WDPCP: variants seen among roughly 807,000 people sequenced by gnomAD.
WDPCP encodes WD repeat-containing and planar cell polarity effector protein fritz homolog.
In WDPCP, 71 loss-of-function variants were observed where a neutral mutation model predicts 93.1. The observed-to-expected ratio is 0.76, with a 90% confidence interval of 0.63 to 0.93. WDPCP has a LOEUF of 0.93. Among genes scored for constraint, WDPCP ranks in the 40% least tolerant of loss-of-function variants. The probability of loss-of-function intolerance (pLI) is 0.00; values close to 1 mark genes in which losing one functional copy is unlikely to be tolerated. For missense variants in WDPCP, 844 were observed against 887.4 expected (o/e 0.95, Z 0.62); for synonymous variants, 315 against 315.0 (o/e 1.00, Z 0.00).
intron 2 of WDPCP, among the ~76,000 whole-genome samples, chr2:63,666,350 C>G (rs905702786): frequency 2.6e-5 from 4 of 152,206 alleles, no homozygotes; most frequent in Non-Finnish European, 5.9e-5. Context: ...AGGCTGATTT[C>G]ACTGCCTGCT....
At chr2:63,444,755 T>C (rs1402783599) in intron 6 of WDPCP, among the ~76,000 whole-genome samples, 1 of 152,134 alleles carries the variant, frequency 6.6e-6, no homozygotes, top group Admixed American at 6.6e-5. Flanking sequence ...AATTTGAATG[T>C]TGTTTAAATG....
chr2:63,500,759 G>A (rs529941187), intron 1 of WDPCP, among the ~76,000 whole-genome samples: 1 of 152,266 alleles, frequency 6.6e-6, no homozygotes, highest in African/African-American at 2.4e-5. Flanking sequence ...TAACGGTGTT[G>A]TAAGGATTAA....
At chr2:63,687,751 A>G (rs1668828624) in intron 2 of WDPCP, among the ~76,000 whole-genome samples, 1 of 152,226 alleles carries the variant, frequency 6.6e-6, no homozygotes, top group South Asian at 2.1e-4. Flanking sequence ...GTAAATTAGT[A>G]CAATCACTAT....
At chr2:63,707,496 C>A (rs1217961763) in intron 2 of WDPCP, among the ~76,000 whole-genome samples, 1 of 152,052 alleles carries the variant, frequency 6.6e-6, no homozygotes, top group Non-Finnish European at 1.5e-5. Flanking sequence ...TTAAGTACTT[C>A]TCTGCATTGG....
At chr2:63,556,345 T>C (rs1410960587) in intron 1 of WDPCP, among the ~76,000 whole-genome samples, 1 of 152,134 alleles carries the variant, frequency 6.6e-6, no homozygotes, top group African/African-American at 2.4e-5. Flanking sequence ...ACTATGGGGT[T>C]ATGTAAAAAG....
At chr2:63,124,120 G>T (rs1477244758) in intron 17 of WDPCP, among the ~76,000 whole-genome samples, 3 of 148,794 alleles carry the variant, frequency 2.0e-5, no homozygotes. Context: ...CTGTTTGTAG[G>T]ATTATTTCCT....
chr2:63,820,601 G>C (rs1473270327), intron 1 of WDPCP, among the ~76,000 whole-genome samples: 1 of 152,146 alleles, frequency 6.6e-6, no homozygotes, highest in East Asian at 1.9e-4. Flanking sequence ...AGTTCAGTCT[G>C]AACCTTGACT....
intron 2 of WDPCP, among the ~76,000 whole-genome samples, chr2:63,488,095 A>G (rs191509695): frequency 6.6e-6 from 1 of 152,148 alleles, no homozygotes; most frequent in Non-Finnish European, 1.5e-5. Flanking sequence ...TGGGCTTCCC[A>G]GATGTCAAGA....
At chr2:63,696,952 A>G (rs982932568) in intron 2 of WDPCP, among the ~76,000 whole-genome samples, 2 of 152,220 alleles carry the variant, frequency 1.3e-5, no homozygotes, top group African/African-American at 4.8e-5. Flanking sequence ...CCTGGTACAT[A>G]GTCTGTCCTG....
intron 14 of WDPCP, among the ~76,000 whole-genome samples, chr2:63,196,282 C>T (rs1675431121): frequency 6.6e-6 from 1 of 152,180 alleles, no homozygotes. Context: ...GGATCTGCAG[C>T]TGTGGTTGCT....
intron 3 of WDPCP, among the ~76,000 whole-genome samples, chr2:63,606,501 A>G (rs1363057080): frequency 6.6e-6 from 1 of 152,224 alleles, no homozygotes; most frequent in African/African-American, 2.4e-5. Context: ...TATGATTGAA[A>G]TTAATCTGGA....
At chr2:63,122,278 T>G (rs1444873655) in intron 17 of WDPCP, among the ~76,000 whole-genome samples, 1 of 152,122 alleles carries the variant, frequency 6.6e-6, no homozygotes, top group Admixed American at 6.6e-5. Flanking sequence ...TAATAAGCAT[T>G]AAAAGGCAAA....
intron 1 of WDPCP, among the ~76,000 whole-genome samples, chr2:63,535,189 C>T (rs1704181662): frequency 6.6e-6 from 1 of 152,146 alleles, no homozygotes; most frequent in African/African-American, 2.4e-5. Context: ...GAACTACAAA[C>T]CACTGCTCAA....
At chr2:63,321,386 C>CTGTGTGTG (rs59970085) in intron 12 of WDPCP, among the ~76,000 whole-genome samples, 4 of 148,634 alleles carry the variant, frequency 2.7e-5, no homozygotes, top group South Asian at 2.2e-4. Context: ...TATATACACT[C>CTGTGTGTG]TGTGTGTGTG....
intron 9 of WDPCP, among the ~76,000 whole-genome samples, chr2:63,406,625 C>G (rs1412143784): frequency 6.6e-6 from 1 of 152,090 alleles, no homozygotes; most frequent in Non-Finnish European, 1.5e-5. Context: ...AATGAAGACC[C>G]AAAGAACCAG....
At chr2:63,813,367 G>A (rs1670887812) in intron 2 of WDPCP, among the ~76,000 whole-genome samples, 1 of 152,174 alleles carries the variant, frequency 6.6e-6, no homozygotes, top group South Asian at 2.1e-4. Context: ...AGGTCCTCCA[G>A]GTGAAGATGT....
chr2:63,313,583 G>C (rs953693115), intron 12 of WDPCP, among the ~76,000 whole-genome samples: 4 of 151,986 alleles, frequency 2.6e-5, no homozygotes, highest in African/African-American at 9.7e-5. Context: ...TGATAGCTTA[G>C]AAAATACGTT....
chr2:63,824,291 C>T (rs1671075816), intron 1 of WDPCP, among the ~76,000 whole-genome samples: 1 of 151,786 alleles, frequency 6.6e-6, no homozygotes, highest in South Asian at 2.1e-4. Context: ...CCACGTGGAA[C>T]TGTGAATCAA....
chr2:63,198,721 G>A (rs1675650790), intron 14 of WDPCP, among the ~76,000 whole-genome samples: 1 of 152,134 alleles, frequency 6.6e-6, no homozygotes, highest in East Asian at 1.9e-4. Context: ...AAATTACCCA[G>A]TTTCAGATAG....
Sources: allele counts gnomAD v4.1 joint callset (sites outside exome capture counted in the v4.1 genomes callset), GRCh38; gene constraint gnomAD v4.1.1; transcripts MANE v1.5; gene names NCBI Gene and HGNC (gene_info 2026-07-23, HGNC 2026-07-21).